Variants in DRC9 observed in about 807,000 individuals in gnomAD.
DRC9 encodes dynein regulatory complex subunit 9.
At chr3:197,950,541 C>T in the DRC9 span, 2 of 311,272 alleles carry the variant, frequency 6.4e-6, no homozygotes, top group South Asian at 5.9e-5. Flanking sequence ...CCTTCCTTGG[C>T]TTGTCTGACC....
At chr3:197,912,914 C>G in the DRC9 span, 1 of 642,902 alleles carries the variant, frequency 1.6e-6, no homozygotes, top group Non-Finnish European at 2.8e-6. Context: ...TGCAGAGCCA[C>G]GTGGCGCGGC....
chr3:197,942,785 C>T, the DRC9 span, among the ~76,000 whole-genome samples: 59 of 149,628 alleles, frequency 3.9e-4, no homozygotes, highest in African/African-American at 3.7e-4. Context: ...GGCGTGGTGG[C>T]GTAATCCCAG....
chr3:197,904,033 TAC>T, the DRC9 span, among the ~76,000 whole-genome samples: 1 of 91,372 alleles, frequency 1.1e-5, no homozygotes, highest in Middle Eastern at 5.0e-3. Flanking sequence ...CATATATATA[TAC>T]ATACATATAT....
the DRC9 span, chr3:197,960,044 T>C: frequency 1.7e-6 from 1 of 601,702 alleles, no homozygotes; most frequent in East Asian, 2.8e-5. Context: ...ACAGCATTTA[T>C]TGGCCGGCTT....
the DRC9 span, among the ~76,000 whole-genome samples, chr3:197,941,212 TCCTTCCTC>T: frequency 3.7e-5 from 5 of 135,998 alleles, no homozygotes; most frequent in Non-Finnish European, 6.3e-5. Context: ...TTCTTTCCCT[TCCTTCCTC>T]CCTCCCTTCC....
chr3:197,945,578 T>G, the DRC9 span: 1 of 1,382,094 alleles, frequency 7.2e-7, no homozygotes, highest in Non-Finnish European at 1.0e-6. Context: ...AAGGCATAAT[T>G]TAAATACATG....
the DRC9 span, among the ~76,000 whole-genome samples, chr3:197,933,056 C>A: frequency 1.4e-5 from 1 of 73,090 alleles, no homozygotes; most frequent in African/African-American, 1.3e-4. Flanking sequence ...ATATAAAATA[C>A]ATATATTATA....
chr3:197,947,928 CTTTTTTTTTTTTTTT>C, the DRC9 span, among the ~76,000 whole-genome samples: 5 of 96,794 alleles, frequency 5.2e-5, no homozygotes, highest in Admixed American at 6.3e-4. Context: ...CCTGCTTTAC[CTTTTTTTTTTTTTTT>C]TTTTTTTTTG....
At chr3:197,955,708 T>C in the DRC9 span, 1 of 1,506,258 alleles carries the variant, frequency 6.6e-7, no homozygotes, top group Non-Finnish European at 9.2e-7. Context: ...TAGACGTATA[T>C]ATAACATTCA....
the DRC9 span, chr3:197,949,863 G>C: frequency 2.6e-6 from 1 of 392,060 alleles, no homozygotes; most frequent in Non-Finnish European, 4.5e-6. Flanking sequence ...TAGGCAGCGG[G>C]AACATCCTCC....
chr3:197,926,157 C>T, the DRC9 span: 31 of 1,007,596 alleles, frequency 3.1e-5, no homozygotes, highest in East Asian at 2.4e-4. Flanking sequence ...TCAAAACTTA[C>T]GTGCACAAGG....
At chr3:197,928,942 G>T in the DRC9 span, among the ~76,000 whole-genome samples, 1 of 152,170 alleles carries the variant, frequency 6.6e-6, no homozygotes, top group Non-Finnish European at 1.5e-5. Context: ...CAGGTGGAGC[G>T]ATCAAAAGTC....
At chr3:197,956,015 CT>C in the DRC9 span, 1 of 511,094 alleles carries the variant, frequency 2.0e-6, no homozygotes, top group South Asian at 2.0e-5. Context: ...GTTGCCCATG[CT>C]GGAGTGTAGT....
the DRC9 span, among the ~76,000 whole-genome samples, chr3:197,941,361 T>TCTCC: frequency 1.4e-5 from 1 of 69,890 alleles, no homozygotes; most frequent in Non-Finnish European, 2.6e-5. Flanking sequence ...TTCTTTCCCT[T>TCTCC]CCTTCCTTCC....
chr3:197,934,747 C>T, the DRC9 span, among the ~76,000 whole-genome samples: 1 of 151,168 alleles, frequency 6.6e-6, no homozygotes, highest in Non-Finnish European at 1.5e-5. Flanking sequence ...GCAGGAGGAT[C>T]GCTTGAGTCC....
At chr3:197,892,704 A>T in the DRC9 span, 4 of 1,613,902 alleles carry the variant, frequency 2.5e-6, no homozygotes, top group Non-Finnish European at 1.7e-6. Flanking sequence ...ATTCTGTTTC[A>T]TTTCTGTGTC....
chr3:197,946,231 C>G, the DRC9 span, among the ~76,000 whole-genome samples: 753 of 151,328 alleles, frequency 5.0e-3, 6 homozygotes, highest in African/African-American at 0.017. Context: ...GTCAGGAGAT[C>G]GAGACCATCC....
At chr3:197,918,520 T>A in the DRC9 span, among the ~76,000 whole-genome samples, 2 of 152,186 alleles carry the variant, frequency 1.3e-5, no homozygotes, top group African/African-American at 2.4e-5. Flanking sequence ...AGGTCCACCT[T>A]ATATATCACT....
the DRC9 span, among the ~76,000 whole-genome samples, chr3:197,894,258 T>C: frequency 5.3e-5 from 8 of 152,166 alleles, no homozygotes; most frequent in Non-Finnish European, 5.9e-5. Context: ...CAGAGGGTTG[T>C]TGTGATGCTG....
Sources: allele counts gnomAD v4.1 joint callset (sites outside exome capture counted in the v4.1 genomes callset), GRCh38; gene constraint gnomAD v4.1.1; transcripts MANE v1.5; gene names NCBI Gene and HGNC (gene_info 2026-07-23, HGNC 2026-07-21).